The following PCDH15 variants were observed in gnomAD, a reference collection of about 807,000 sequenced individuals.
PCDH15 encodes the protein protocadherin-15.
In PCDH15, 129 loss-of-function variants were observed where a neutral mutation model predicts 178.5. The ratio of observed to expected loss-of-function variants is 0.72; its 90% CI spans 0.63 to 0.84. The LOEUF is 0.84. Ranked by LOEUF, PCDH15 falls within the 40% of genes least tolerant of loss-of-function variation. PCDH15 has a pLI of 0.00. For missense variants in PCDH15, 2,230 were observed against 2,099.9 expected, an observed-to-expected ratio of 1.06 and a Z score of -1.21; for synonymous variants, 800 against 732.0, an observed-to-expected ratio of 1.09 and a Z score of -1.50.
chr10:54,993,154 T>A (rs911753054), intron 2 of PCDH15, among the ~76,000 whole-genome samples: 3 of 152,100 alleles, frequency 2.0e-5, no homozygotes, highest in African/African-American at 7.2e-5. Flanking sequence ...TGAAAGGACT[T>A]GGGGACAGAT....
chr10:54,112,020 G>A (rs1006713405), intron 15 of PCDH15, among the ~76,000 whole-genome samples: 14 of 150,702 alleles, frequency 9.3e-5, no homozygotes, highest in Non-Finnish European at 1.5e-4. Flanking sequence ...GTGGGCGCCT[G>A]TAATCCCAGC....
intron 2 of PCDH15, among the ~76,000 whole-genome samples, chr10:55,123,525 C>T (rs780368090): frequency 1.7e-4 from 26 of 152,216 alleles, no homozygotes; most frequent in South Asian, 2.1e-4. Context: ...AGGGACACTA[C>T]TCATGGATGA....
At chr10:54,992,866 T>A (rs1839537650) in intron 2 of PCDH15, among the ~76,000 whole-genome samples, 1 of 152,192 alleles carries the variant, frequency 6.6e-6, no homozygotes, top group East Asian at 1.9e-4. Flanking sequence ...TTAATTTATT[T>A]ATATTTTAGA....
chr10:53,944,809 T>C lies in PCDH15; in HGVS notation c.3123-3834A>G, dbSNP rs528886534. Reference sequence around the variant, plus strand: ...TATTTAGCAGATATGAACTGGAACATGGGAGAGGCTAGTGGTTTCATGTTT... The same window carrying C: ...TATTTAGCAGATATGAACTGGAACACGGGAGAGGCTAGTGGTTTCATGTTT... On this transcript the variant is annotated intron_variant, in intron 23 of 37. Transcript: ENST00000644397. 1.4e-4 allele frequency among the ~76,000 whole-genome samples: 21 copies of C among 152,248 alleles called. No individual in the cohort carries two copies. In the South Asian group the frequency reaches 4.1e-3, roughly 30 times the overall value.
chr10:55,011,936 A>G (rs1268717191), intron 2 of PCDH15, among the ~76,000 whole-genome samples: 1 of 152,116 alleles, frequency 6.6e-6, no homozygotes, highest in Non-Finnish European at 1.5e-5. Context: ...TCAATTTTCA[A>G]TGCCTCCAGA....
At chr10:54,010,583 T>C (rs544488169) in intron 20 of PCDH15, among the ~76,000 whole-genome samples, 2 of 152,322 alleles carry the variant, frequency 1.3e-5, no homozygotes, top group East Asian at 1.9e-4. Context: ...CCAGTGCCTC[T>C]GGACTTGGGC....
At chr10:54,833,576 T>C (rs994172856) in intron 3 of PCDH15, among the ~76,000 whole-genome samples, 1 of 152,188 alleles carries the variant, frequency 6.6e-6, no homozygotes, top group African/African-American at 2.4e-5. Flanking sequence ...TTTGTCTGAA[T>C]TTTCAGCCCT....
rs182089281 is a variant in PCDH15, at chr10:54,456,243, G to A, written c.157+71569C>T. On this transcript the variant is annotated intron_variant, in intron 3 of 37. Coordinates refer to ENST00000644397, the MANE Select transcript of PCDH15 (RefSeq NM_001384140.1). ...AGACACTGAATGTCAGCCTGTGAAA[G>A]CAGCTGAAGGGGGGGCATACCCTGC... Among the ~76,000 whole-genome samples, 625 of 152,280 alleles carry A rather than the reference G, an allele frequency of 4.1e-3. 3 individuals carry two copies. The highest frequency in any genetic ancestry group is 0.014 in the African/African-American group (602 of 41,572).
At chr10:54,655,252 AAGAAAG>A (rs1159115123) in intron 2 of PCDH15, among the ~76,000 whole-genome samples, 902 of 46,074 alleles carry the variant, frequency 0.02, 6 homozygotes, top group African/African-American at 0.043. Context: ...GAAAGAAAGA[AAGAAAG>A]AGAGAGAGAG....
At chr10:53,886,780 C>T (rs560719082) in intron 26 of PCDH15, among the ~76,000 whole-genome samples, 7 of 152,198 alleles carry the variant, frequency 4.6e-5, no homozygotes, top group Admixed American at 3.3e-4. Flanking sequence ...ATGTTCAGAG[C>T]TCACTGCCTT....
At chr10:54,419,622 G>C (rs562282129) in intron 3 of PCDH15, among the ~76,000 whole-genome samples, 1 of 152,050 alleles carries the variant, frequency 6.6e-6, no homozygotes, top group Non-Finnish European at 1.5e-5. Flanking sequence ...AGACATTCCA[G>C]TTAGTAATGC....
intron 2 of PCDH15, among the ~76,000 whole-genome samples, chr10:54,957,833 G>C (rs775550552): frequency 1.3e-5 from 2 of 151,678 alleles, no homozygotes; most frequent in African/African-American, 2.4e-5. Flanking sequence ...TTTAGCATAA[G>C]AATTATTATG....
chr10:55,133,442 GATAA>G (rs1466216956), intron 2 of PCDH15, among the ~76,000 whole-genome samples: 2 of 151,986 alleles, frequency 1.3e-5, no homozygotes, highest in African/African-American at 4.8e-5. Flanking sequence ...GTATCTTCCT[GATAA>G]ATAATTTCCC....
intron 3 of PCDH15, among the ~76,000 whole-genome samples, chr10:54,410,230 C>G (rs1953292738): frequency 6.6e-6 from 1 of 152,138 alleles, no homozygotes; most frequent in Admixed American, 6.6e-5. Context: ...AAGAAGTTTT[C>G]TGCTTGCATA....
intron 2 of PCDH15, among the ~76,000 whole-genome samples, chr10:55,384,135 A>T (rs928648795): frequency 6.6e-6 from 1 of 152,168 alleles, no homozygotes; most frequent in Non-Finnish European, 1.5e-5. Context: ...AATCCAGGAC[A>T]GTTTTAGACT....
intron 3 of PCDH15, among the ~76,000 whole-genome samples, chr10:54,504,753 T>C (rs1163906577): frequency 6.6e-6 from 1 of 152,110 alleles, no homozygotes; most frequent in Non-Finnish European, 1.5e-5. Flanking sequence ...AGGGTTCTCC[T>C]AACACACATC....
intron 1 of PCDH15, among the ~76,000 whole-genome samples, chr10:54,712,814 T>C (rs891776603): frequency 5.3e-5 from 8 of 152,074 alleles, no homozygotes; most frequent in East Asian, 1.9e-4. Flanking sequence ...TTATGAGTTA[T>C]AGCAAGATTC....
chr10:54,137,812 T>A (rs73241714), intron 14 of PCDH15, among the ~76,000 whole-genome samples: 2,348 of 152,308 alleles, frequency 0.015, 75 homozygotes, highest in African/African-American at 0.054. Flanking sequence ...TATGACCAGC[T>A]GCAGAATCTA....
At position 54,532,774 on chromosome 10, in the gene PCDH15, C is replaced by A. The variant is rs192872631; in HGVS notation, c.92-4897G>T. On this transcript the variant is annotated intron_variant, in intron 2 of 37. Coordinates refer to ENST00000644397, the MANE Select transcript of PCDH15 (RefSeq NM_001384140.1). ...TCATTATAACAATGAAAAAAAAAAACAACTAATTCCAGGCCTGAGCCACTA... is the reference window on the plus strand; with the variant it reads ...TCATTATAACAATGAAAAAAAAAAAAAACTAATTCCAGGCCTGAGCCACTA... Among the ~76,000 whole-genome samples, 1,136 of 149,592 alleles carry A rather than the reference C, an allele frequency of 7.6e-3. 53 individuals carry two copies. The highest frequency in any genetic ancestry group is 0.061 in the Admixed American group (921 of 15,094).
Sources: allele counts gnomAD v4.1 joint callset (sites outside exome capture counted in the v4.1 genomes callset), GRCh38; gene constraint gnomAD v4.1.1; transcripts MANE v1.5; gene names NCBI Gene and HGNC (gene_info 2026-07-23, HGNC 2026-07-21).